Variants in COLGALT1 observed in about 807,000 individuals in gnomAD.
The protein encoded by COLGALT1 is collagen beta(1-O)galactosyltransferase 1.
A neutral mutation model predicts 60.8 loss-of-function variants in COLGALT1; 43 were observed. The observed-to-expected ratio is 0.71, with a 90% CI of 0.55 to 0.91. The LOEUF (loss-of-function observed/expected upper bound fraction) is 0.91, where lower values mean the gene tolerates loss of function less well. Among genes scored for constraint, COLGALT1 ranks in the 40% least tolerant of loss-of-function variants. The probability of loss-of-function intolerance (pLI) is 0.00; values close to 1 mark genes in which losing one functional copy is unlikely to be tolerated. For synonymous variants in COLGALT1, 369 were observed against 374.2 expected, an observed-to-expected ratio of 0.99 and a Z score of 0.16; for missense variants, 845 against 880.0, an observed-to-expected ratio of 0.96 and a Z score of 0.50.
intron 3 of COLGALT1, among the ~76,000 whole-genome samples, chr19:17,562,285 C>T (rs2076253870): frequency 6.6e-6 from 1 of 152,182 alleles, no homozygotes. Context: ...CCAGTGGAGG[C>T]ACTTGGTGTC....
Position 17,581,452 on chromosome 19 carries a change from C to T in COLGALT1, c.*8C>T. The stretch of plus-strand genomic sequence containing the variant: ...GCCCGGGATGAACTCTGAGGGGTAG[C>T]AGCCAGAAAGCCAAAGCAGCCATCG... On this transcript the variant is annotated 3_prime_UTR_variant, in exon 12 of 12. Transcript: ENST00000252599. The T allele has an allele frequency of 3.1e-6, 5 of 1,601,836 alleles. No individual in the cohort carries two copies. The highest frequency in any genetic ancestry group is 4.2e-6 in the Non-Finnish European group (5 of 1,176,642).
intron 2 of COLGALT1, 148 bp downstream of exon 2, chr19:17,559,569 C>G: frequency 1.5e-6 from 1 of 647,876 alleles, no homozygotes; most frequent in East Asian, 2.8e-5. Context: ...CTGAGCCTCC[C>G]TCAGCTTTAC....
At chr19:17,578,280 C>T (rs529046715) in intron 9 of COLGALT1, among the ~76,000 whole-genome samples, 191 bp downstream of exon 9, 16 of 152,266 alleles carry the variant, frequency 1.1e-4, no homozygotes, top group Non-Finnish European at 2.1e-4. Context: ...ACCTGCCATC[C>T]TTCCATTGCG....
intron 7 of COLGALT1, 33 bp from the exon 8 acceptor site, chr19:17,577,328 G>A (rs745848948): frequency 1.2e-6 from 2 of 1,607,422 alleles, no homozygotes; most frequent in Non-Finnish European, 1.7e-6. Context: ...TGTTTGCAGG[G>A]GCTGATCTGG....
At chr19:17,559,092 G>A (rs542377128) in intron 1 of COLGALT1, among the ~76,000 whole-genome samples, 21 of 152,130 alleles carry the variant, frequency 1.4e-4, no homozygotes, top group Non-Finnish European at 2.9e-4. Context: ...CCCGGGAGGC[G>A]GAGCTTGCAG....
At chr19:17,577,100 TCTGA>T in intron 6 of COLGALT1, 91 bp from the exon 7 acceptor site, 1 of 1,278,172 alleles carries the variant, frequency 7.8e-7, no homozygotes, top group Non-Finnish European at 1.1e-6. Context: ...GCCGAGCCAG[TCTGA>T]CTGGGAGCCA....
chr19:17,568,574 A>G lies in COLGALT1; in HGVS notation c.690A>G (p.Ala230=), dbSNP rs778669463. 4 of 1,614,086 alleles carry G rather than the reference A, an allele frequency of 2.5e-6. No homozygotes were observed. Among genetic ancestry groups the G allele is most frequent in the Non-Finnish European group, 3.4e-6 (4 of 1,180,040 alleles). The change falls in exon 5 of 12, where the codon GCA becomes GCG. Residue 230 remains alanine (A), a synonymous_variant. Transcript: ENST00000252599. ...AGCGAGACCGCCGGGGCTGCTTTGC[A>G]GTTCCCATGGTGCACTCGACCTTCC... ...IRKRDRRGCF[A]VPMVHSTFLI...
chr19:17,581,033 C>T (rs2076378116), intron 11 of COLGALT1, 128 bp downstream of exon 11: 4 of 1,386,494 alleles, frequency 2.9e-6, no homozygotes, highest in Non-Finnish European at 4.0e-6. Flanking sequence ...CCGTTTGCCC[C>T]CTCGCAGATC....
In COLGALT1 at chr19:17,556,391, C is replaced by T. The variant is rs184466111; in HGVS notation, c.260+418C>T. On this transcript the variant is annotated intron_variant, in intron 1 of 11. Coordinates refer to ENST00000252599, the MANE Select transcript of COLGALT1 (RefSeq NM_024656.4). ...GCCCAGAGCCCCCACTGGGGCGTTG[C>T]CAGAGGCCACATCTAACAGCAAGCC... 2.5e-5 allele frequency: 6 copies of T among 243,436 alleles called. No individual in the cohort carries two copies. The East Asian group carries it at 7.2e-4, about 29-fold the overall frequency. The allele number at this position is 243,436 out of a possible 1,614,324, so 15.1% of individuals were successfully genotyped here. A position where few individuals can be genotyped will look rare whatever the true frequency, so the allele number is the denominator to read the frequency against.
chr19:17,564,306 C>T (rs2076267376), intron 3 of COLGALT1, among the ~76,000 whole-genome samples: 1 of 148,588 alleles, frequency 6.7e-6, no homozygotes, highest in African/African-American at 2.5e-5. Flanking sequence ...TACATATATA[C>T]ATATATACGT....
In COLGALT1 at chr19:17,568,722, A is replaced by G. The variant is rs764053564; in HGVS notation, c.829+9A>G. The G allele has an allele frequency of 1.3e-5, 21 of 1,613,666 alleles. No homozygotes were observed. The East Asian group carries it at 2.5e-4, about 19-fold the overall frequency. On this transcript the variant is annotated intron_variant, in intron 5 of 11. Transcript: ENST00000252599. The stretch of plus-strand genomic sequence containing the variant: ...CTCCTGCAAGCAGGCAGGTACGTAC[A>G]TGAGGGGTCTGCCATCGCAGGGGCA...
At chr19:17,574,558 GTCC>G (rs1321405789) in intron 6 of COLGALT1, among the ~76,000 whole-genome samples, 1 of 152,100 alleles carries the variant, frequency 6.6e-6, no homozygotes, top group African/African-American at 2.4e-5. Context: ...TCGAACTCCT[GTCC>G]TCAGGTGATC....
In COLGALT1 at chr19:17,579,484, G is replaced by C. The variant is rs761428179; in HGVS notation, c.1269G>C (p.Val423=). 21 of 1,613,970 alleles carry C rather than the reference G, an allele frequency of 1.3e-5. No individual in the cohort carries two copies. In the East Asian group the frequency reaches 3.3e-4, roughly 26 times the overall value. Reference sequence around the variant, plus strand: ...TGTGGCGGGGCTTCCTCCCTCAGGTGGTGGACCGGGGGCTGCAGAAATCGC... The same window carrying C: ...TGTGGCGGGGCTTCCTCCCTCAGGTCGTGGACCGGGGGCTGCAGAAATCGC... The part of the protein sequence containing the change: ...FLSHYNIWKE[V]VDRGLQKSLV... The change falls in exon 10 of 12, where the codon GTG becomes GTC. Residue 423 remains valine (V), a splice_region_variant and synonymous_variant. Transcript: ENST00000252599.
intron 1 of COLGALT1, among the ~76,000 whole-genome samples, chr19:17,556,191 C>T (rs1170281014): frequency 6.6e-6 from 1 of 152,210 alleles, no homozygotes; most frequent in African/African-American, 2.4e-5. Flanking sequence ...TGCTGTCCTC[C>T]CATGGGGCCA....
chr19:17,559,196 A>G (rs2076233527), intron 1 of COLGALT1, 115 bp from the exon 2 acceptor site: 8 of 726,058 alleles, frequency 1.1e-5, no homozygotes, highest in African/African-American at 1.7e-5. Context: ...TGTCCTGTCC[A>G]GGGATACATA....
chr19:17,580,881 C>T lies in COLGALT1; in HGVS notation c.1577C>T (p.Pro526Leu), dbSNP rs774707314. 1.9e-6 allele frequency: 3 copies of T among 1,613,900 alleles called. No homozygotes were observed. The highest frequency in any genetic ancestry group is 2.5e-6 in the Non-Finnish European group (3 of 1,180,000). Residue 526 changes from proline (P) to leucine (L), a missense_variant, in exon 11 of 12, where the codon CCC (proline) becomes CTC (leucine). Physicochemically the swap from Pro to Leu is moderately conservative, Grantham distance 98. Transcript: ENST00000252599. The part of the protein sequence containing the change: ...SKMLPVDEFL[P>L]VMFDKHPVSE... ...ATGCTGCCTGTGGACGAGTTCCTGC[C>T]CGTCATGTTCGACAAACACCCAGTG...
At position 17,579,585 on chromosome 19, in the gene COLGALT1, G is replaced by T; in HGVS notation, c.1370G>T (p.Arg457Leu). Residue 457 changes from arginine (R) to leucine (L), a missense_variant, in exon 10 of 12, where the codon CGG becomes CTG. Transcript: ENST00000252599. ...ATGAACCTCATGCGGGATGTGGAGC[G>T]GGAGGGCCTGGACTGGGACCTCATG... ...RLMNLMRDVE[R>L]EGLDWDLIYV... The T allele has an allele frequency of 6.2e-7, 1 of 1,613,712 alleles. No individual in the cohort carries two copies. Among genetic ancestry groups the T allele is most frequent in the East Asian group, 2.2e-5 (1 of 44,868 alleles).
rs749016124 is a variant in COLGALT1 at position 17,569,891 on chromosome 19, C to CCTTTTTTT, written c.829+1178_829+1179insCTTTTTTT. Among the ~76,000 whole-genome samples the CCTTTTTTT allele has an allele frequency of 2.9e-4, 29 of 98,738 alleles. 1 individual carries two copies. Among genetic ancestry groups the CCTTTTTTT allele is most frequent in the South Asian group, 2.0e-3 (6 of 3,014 alleles). The allele number at this position is 98,738 out of a possible 152,430, so 64.8% of individuals were successfully genotyped here. On this transcript the variant is annotated intron_variant, in intron 5 of 11. Transcript: ENST00000252599. ...CAGGCCAAACCTGGCCCACTAATTACTTTTTTTTTTTTTTTTTTTTTGAGA... is the reference window on the plus strand; with the variant it reads ...CAGGCCAAACCTGGCCCACTAATTACCTTTTTTTTTTTTTTTTTTTTTTTTTTTTGAGA...
chr19:17,581,159 CCCT>C lies in COLGALT1; in HGVS notation c.1602-9_1602-7del, dbSNP rs752557537. Reference sequence around the variant, plus strand: ...CTGAAGCCATTGCTGCCCCTCACTCCCCTCCTCCTCCCCCCAGGTCCGAGTACA... The same window carrying C: ...CTGAAGCCATTGCTGCCCCTCACTCCCCTCCTCCCCCCAGGTCCGAGTACA... On this transcript the variant is annotated splice_polypyrimidine_tract_variant and intron_variant, in intron 11 of 11. Transcript: ENST00000252599. 1.9e-6 allele frequency: 3 copies of C among 1,601,850 alleles called. No individual in the cohort carries two copies. Among genetic ancestry groups the C allele is most frequent in the Non-Finnish European group, 2.6e-6 (3 of 1,175,086 alleles).
Sources: allele counts gnomAD v4.1 joint callset (sites outside exome capture counted in the v4.1 genomes callset), GRCh38; gene constraint gnomAD v4.1.1; transcripts MANE v1.5; gene names NCBI Gene and HGNC (gene_info 2026-07-23, HGNC 2026-07-21).